The following AKAP13 variants were observed in gnomAD, a reference collection of about 807,000 sequenced individuals.
AKAP13 encodes A-kinase anchor protein 13.
A neutral mutation model predicts 264.5 loss-of-function variants in AKAP13; 80 were observed. The observed-to-expected ratio is 0.30, with a 90% confidence interval of 0.25 to 0.36. The LOEUF (loss-of-function observed/expected upper bound fraction) is 0.36, where lower values mean the gene tolerates loss of function less well. AKAP13 is among the 10% of genes least tolerant of loss of function. The pLI is 1.00. For missense variants in AKAP13, 3,712 were observed against 3,435.2 expected, an observed-to-expected ratio of 1.08 and a Z score of -2.01; for synonymous variants, 1,380 against 1,250.2, an observed-to-expected ratio of 1.10 and a Z score of -2.19.
Position 85,736,565 on chromosome 15 carries a change from C to T in AKAP13, c.7557+431C>T, listed in dbSNP as rs1435149933. Reference sequence around the variant, plus strand: ...CATGCCTGCCACCATGCCCGGCTAACTTTTGTATTTTTTGTAGAGACAGGG... The same window carrying T: ...CATGCCTGCCACCATGCCCGGCTAATTTTTGTATTTTTTGTAGAGACAGGG... On this transcript the variant is annotated intron_variant, in intron 33 of 36. Transcript: ENST00000394518. Among the ~76,000 whole-genome samples, 15 of 152,174 alleles carry T rather than the reference C, an allele frequency of 9.9e-5. No homozygotes were observed. In the East Asian group the frequency reaches 2.9e-3, roughly 29 times the overall value.
rs534312190 is a variant in AKAP13 at position 85,741,041 on chromosome 15, C to T, written c.7609-5C>T. 2.5e-6 allele frequency: 4 copies of T among 1,600,822 alleles called. No homozygotes were observed. The highest frequency in any genetic ancestry group is 3.7e-4 in the Middle Eastern group (2 of 5,372). Reference sequence around the variant, plus strand: ...TTGCAGGGCTCCCCTCTGTGTGCCTCCCAGGGTGTGGTGCTGCAGCAGGAC... The same window carrying T: ...TTGCAGGGCTCCCCTCTGTGTGCCTTCCAGGGTGTGGTGCTGCAGCAGGAC... On this transcript the variant is annotated splice_region_variant and splice_polypyrimidine_tract_variant and intron_variant, in intron 34 of 36. Transcript: ENST00000394518.
At chr15:85,576,373 A>G (rs763726154) in intron 6 of AKAP13, among the ~76,000 whole-genome samples, 14 of 152,130 alleles carry the variant, frequency 9.2e-5, no homozygotes, top group Non-Finnish European at 1.2e-4. Flanking sequence ...CAATAGTTGT[A>G]TGGTACAAAG....
At chr15:85,672,455 A>G (rs1399598850) in intron 14 of AKAP13, among the ~76,000 whole-genome samples, 1 of 152,254 alleles carries the variant, frequency 6.6e-6, no homozygotes, top group Non-Finnish European at 1.5e-5. Context: ...TGTGTGTGGT[A>G]TGCCTTAAGC....
At chr15:85,398,246 A>T (rs912194357) in intron 1 of AKAP13, among the ~76,000 whole-genome samples, 2 of 152,254 alleles carry the variant, frequency 1.3e-5, no homozygotes, top group Non-Finnish European at 2.9e-5. Context: ...CTCTTATTCT[A>T]GGAGTCATCA....
At chr15:85,627,325 T>G (rs1219754091) in intron 8 of AKAP13, among the ~76,000 whole-genome samples, 2 of 152,140 alleles carry the variant, frequency 1.3e-5, no homozygotes, top group African/African-American at 2.4e-5. Context: ...ATTGTGGATC[T>G]TTGACCTGTT....
intron 1 of AKAP13, among the ~76,000 whole-genome samples, chr15:85,438,803 A>G (rs2073465972): frequency 6.6e-6 from 1 of 151,988 alleles, no homozygotes; most frequent in South Asian, 2.1e-4. Context: ...CTTACACCTT[A>G]TACAAAAATC....
In AKAP13 at chr15:85,581,783, G is replaced by A. The variant is rs776205323; in HGVS notation, c.3715G>A (p.Ala1239Thr). The change falls in exon 7 of 37, where the codon GCA becomes ACA. Residue 1239 changes from alanine (A) to threonine (T), a missense_variant. By Grantham distance (58) the Ala-to-Thr change is moderately conservative. Around this residue, in one of 3 missense-constraint regions of AKAP13, gnomAD observed 2,759 missense variants for 2,411.7 expected, o/e 1.14. Coordinates refer to ENST00000394518, the MANE Select transcript of AKAP13 (RefSeq NM_007200.5). ...SLPCMVSAQD[A>T]PLPKGADLIE... ...ACCTTGCATGGTCTCTGCCCAGGAC[G>A]CACCTCTGCCTAAGGGGGCAGACTT... 23 of 1,614,020 alleles carry A rather than the reference G, an allele frequency of 1.4e-5. No homozygotes were observed. The highest frequency in any genetic ancestry group is 2.7e-5 in the African/African-American group (2 of 74,928).
chr15:85,740,333 G>T (rs1238450470), intron 34 of AKAP13, 61 bp downstream of exon 34: 1 of 1,588,514 alleles, frequency 6.3e-7, no homozygotes. Flanking sequence ...GCTTGGGGCT[G>T]TTGTTGACTT....
At chr15:85,654,024 T>C (rs2151515143) in intron 10 of AKAP13, among the ~76,000 whole-genome samples, 1 of 152,314 alleles carries the variant, frequency 6.6e-6, no homozygotes. Flanking sequence ...GCCACTGGTA[T>C]GTTTCAACAA....
intron 1 of AKAP13, among the ~76,000 whole-genome samples, chr15:85,404,663 T>A (rs143723681): frequency 1.9e-4 from 29 of 152,330 alleles, no homozygotes; most frequent in African/African-American, 5.1e-4. Flanking sequence ...TCTGGCACAC[T>A]GTTTCCTATC....
intron 25 of AKAP13, 100 bp downstream of exon 25, chr15:85,722,447 T>A: frequency 9.9e-7 from 1 of 1,009,406 alleles, no homozygotes; most frequent in Non-Finnish European, 1.5e-6. Context: ...CATGCTTTAG[T>A]ATGTCTAAAA....
At chr15:85,438,700 A>G (rs1208393566) in intron 1 of AKAP13, among the ~76,000 whole-genome samples, 1 of 151,228 alleles carries the variant, frequency 6.6e-6, no homozygotes, top group Non-Finnish European at 1.5e-5. Flanking sequence ...CAAACCTGAG[A>G]AAAACAAGCA....
rs548623422 is a variant in AKAP13, at chr15:85,415,339, T to C, written c.-12+34541T>C. The C allele has an allele frequency of 3.6e-5, 57 of 1,578,248 alleles. No homozygotes were observed. The East Asian group carries it at 1.3e-3, about 35-fold the overall frequency. On this transcript the variant is annotated intron_variant, in intron 1 of 36. Coordinates refer to ENST00000394518, the MANE Select transcript of AKAP13 (RefSeq NM_007200.5). ...ATAGCTTTGCGAAAAATGGACACAATAGCCAAGCCAGATTGTATCATCACT... is the reference window on the plus strand; with the variant it reads ...ATAGCTTTGCGAAAAATGGACACAACAGCCAAGCCAGATTGTATCATCACT...
At chr15:85,389,303 G>A (rs1304935350) in intron 1 of AKAP13, among the ~76,000 whole-genome samples, 1 of 152,166 alleles carries the variant, frequency 6.6e-6, no homozygotes, top group African/African-American at 2.4e-5. Flanking sequence ...AACTTGACAA[G>A]GCTGTCATGT....
chr15:85,610,164 A>G (rs2080539724), intron 8 of AKAP13, among the ~76,000 whole-genome samples: 1 of 152,242 alleles, frequency 6.6e-6, no homozygotes, highest in South Asian at 2.1e-4. Context: ...TGACAACGAG[A>G]TCCCATTACA....
intron 30 of AKAP13, among the ~76,000 whole-genome samples, chr15:85,733,556 C>T (rs1465152742): frequency 1.3e-5 from 2 of 152,124 alleles, no homozygotes; most frequent in African/African-American, 4.8e-5. Context: ...TTTCCCTGTT[C>T]CCTTTGCTTT....
intron 17 of AKAP13, among the ~76,000 whole-genome samples, chr15:85,695,326 C>G (rs528664466): frequency 1.4e-4 from 21 of 152,262 alleles, no homozygotes; most frequent in African/African-American, 4.8e-4. Context: ...ATTGCTTGAA[C>G]TTGGGAAGGG....
intron 8 of AKAP13, among the ~76,000 whole-genome samples, chr15:85,590,012 T>C (rs2079523191): frequency 6.6e-6 from 1 of 152,168 alleles, no homozygotes; most frequent in Admixed American, 6.5e-5. Flanking sequence ...AGAGTCTGTT[T>C]TCATGCTGAA....
intron 1 of AKAP13, among the ~76,000 whole-genome samples, chr15:85,427,730 A>C (rs1051277109): frequency 6.6e-6 from 1 of 152,242 alleles, no homozygotes; most frequent in Non-Finnish European, 1.5e-5. Flanking sequence ...AAAACCAGTT[A>C]TGGAAATATA....
Sources: allele counts gnomAD v4.1 joint callset (sites outside exome capture counted in the v4.1 genomes callset), GRCh38; gene constraint gnomAD v4.1.1; regional missense constraint gnomAD v4.1.1; transcripts MANE v1.5; gene names NCBI Gene and HGNC (gene_info 2026-07-23, HGNC 2026-07-21).